The following BATF variants were observed in gnomAD, a reference collection of about 807,000 sequenced individuals.
The protein encoded by BATF is basic leucine zipper ATF-like transcription factor, also known as basic leucine zipper transcriptional factor ATF-like.
A neutral mutation model predicts 13.7 loss-of-function variants in BATF; 5 were observed. The ratio of observed to expected loss-of-function variants is 0.36; its 90% CI spans 0.19 to 0.77. The LOEUF (loss-of-function observed/expected upper bound fraction) is 0.77, where lower values mean the gene tolerates loss of function less well. Ranked by LOEUF, BATF falls within the 30% of genes least tolerant of loss-of-function variation. The pLI, the probability that BATF is intolerant of heterozygous loss-of-function variation, is 0.51. For synonymous variants in BATF, 72 were observed against 67.5 expected (o/e 1.07, Z -0.33); for missense variants, 124 against 163.0 (o/e 0.76, Z 1.30).
chr14:75,545,426 G>A (rs1187204186), intron 2 of BATF, among the ~76,000 whole-genome samples: 2 of 144,894 alleles, frequency 1.4e-5, no homozygotes, highest in Non-Finnish European at 3.0e-5. Context: ...TTAGAGACAG[G>A]GTTTCACCAT....
At chr14:75,541,944 G>T (rs988017316) in intron 2 of BATF, among the ~76,000 whole-genome samples, 1 of 151,918 alleles carries the variant, frequency 6.6e-6, no homozygotes, top group African/African-American at 2.4e-5. Flanking sequence ...GATTACAGGC[G>T]TGAGCCACAG....
chr14:75,529,883 T>C (rs560846068), intron 2 of BATF, among the ~76,000 whole-genome samples: 1,658 of 151,878 alleles, frequency 0.011, 28 homozygotes, highest in African/African-American at 0.038. Context: ...GCTAACACAG[T>C]GAAACCCCGT....
At chr14:75,533,434 A>G (rs535323589) in intron 2 of BATF, among the ~76,000 whole-genome samples, 1 of 151,914 alleles carries the variant, frequency 6.6e-6, no homozygotes, top group East Asian at 1.9e-4. Flanking sequence ...TCTCAAAAAA[A>G]AAAAAAAAAA....
At chr14:75,543,206 A>C (rs755943783) in intron 2 of BATF, among the ~76,000 whole-genome samples, 8 of 152,282 alleles carry the variant, frequency 5.3e-5, no homozygotes, top group Admixed American at 1.3e-4. Flanking sequence ...AAATACCCAA[A>C]TGGTAAAATG....
Position 75,546,741 on chromosome 14 carries a change from C to T in BATF, c.*70C>T. ...CTGTGGCAGAGCTGCGCCCATCCCG[C>T]AGAGGCCCCTGTCCACCTGGAGACC... is the stretch of plus-strand genomic sequence containing the variant. On this transcript the variant is annotated 3_prime_UTR_variant, in exon 3 of 3. Transcript: ENST00000286639. The T allele has an allele frequency of 6.9e-7, 1 of 1,458,454 alleles. No individual in the cohort carries two copies. Among genetic ancestry groups the T allele is most frequent in the East Asian group, 2.5e-5 (1 of 40,226 alleles). The allele number at this position is 1,458,454 out of a possible 1,614,324, so 90.3% of individuals were successfully genotyped here. A position where few individuals can be genotyped will look rare whatever the true frequency, so the allele number is the denominator to read the frequency against.
At position 75,546,735 on chromosome 14, in the gene BATF, A is replaced by C; in HGVS notation, c.*64A>C. 6.8e-7 allele frequency: 1 copy of C among 1,472,770 alleles called. No homozygotes were observed. The highest frequency in any genetic ancestry group is 9.1e-7 in the Non-Finnish European group (1 of 1,103,582). The allele number at this position is 1,472,770 out of a possible 1,614,324, so 91.2% of individuals were successfully genotyped here. On this transcript the variant is annotated 3_prime_UTR_variant, in exon 3 of 3. Coordinates refer to ENST00000286639, the MANE Select transcript of BATF (RefSeq NM_006399.5). Reference sequence around the variant, plus strand: ...CACAGACTGTGGCAGAGCTGCGCCCATCCCGCAGAGGCCCCTGTCCACCTG... The same window carrying C: ...CACAGACTGTGGCAGAGCTGCGCCCCTCCCGCAGAGGCCCCTGTCCACCTG...
intron 2 of BATF, among the ~76,000 whole-genome samples, chr14:75,527,217 A>G (rs999371985): frequency 6.6e-6 from 1 of 152,228 alleles, no homozygotes; most frequent in Non-Finnish European, 1.5e-5. Flanking sequence ...GAGTAATAAT[A>G]ATTATCATAA....
chr14:75,546,625 A>G lies in BATF; in HGVS notation c.332A>G (p.His111Arg). ...CCCCCCGAGGTGGTGTACAGCGCCC[A>G]CGCATTCCACCAACCTCATGTCAGC... ...PSPPEVVYSA[H>R]AFHQPHVSSP... Residue 111 changes from histidine to arginine, a missense_variant, in exon 3 of 3, where the codon CAC becomes CGC. Physicochemically the swap from His to Arg is conservative, Grantham distance 29. Coordinates refer to ENST00000286639, the MANE Select transcript of BATF (RefSeq NM_006399.5). 1 of 1,613,070 alleles carries G rather than the reference A, an allele frequency of 6.2e-7. No homozygotes were observed. The highest frequency in any genetic ancestry group is 8.5e-7 in the Non-Finnish European group (1 of 1,179,592).
At chr14:75,527,020 A>G (rs1595002913) in intron 2 of BATF, among the ~76,000 whole-genome samples, 5 of 152,356 alleles carry the variant, frequency 3.3e-5, no homozygotes, top group East Asian at 3.9e-4. Flanking sequence ...AGCAGTCAGA[A>G]CAGGGATTGA....
intron 2 of BATF, 145 bp from the exon 3 acceptor site, chr14:75,546,317 A>T: frequency 1.3e-6 from 1 of 768,354 alleles, no homozygotes; most frequent in Non-Finnish European, 2.1e-6. Context: ...GCACACATTC[A>T]CACGTGCAGG....
intron 2 of BATF, among the ~76,000 whole-genome samples, chr14:75,531,831 T>C (rs536360437): frequency 1.3e-5 from 2 of 152,204 alleles, no homozygotes; most frequent in Non-Finnish European, 2.9e-5. Flanking sequence ...CCTATTTCAC[T>C]CCTGGAATTC....
intron 2 of BATF, among the ~76,000 whole-genome samples, chr14:75,529,265 A>C (rs1323002370): frequency 6.6e-6 from 1 of 152,272 alleles, no homozygotes; most frequent in African/African-American, 2.4e-5. Flanking sequence ...ACAGGATAGA[A>C]TATGGAAACA....
At chr14:75,530,701 G>T (rs1347526009) in intron 2 of BATF, among the ~76,000 whole-genome samples, 1 of 151,952 alleles carries the variant, frequency 6.6e-6, no homozygotes. Flanking sequence ...TAGAGACAGG[G>T]TCTCACTATG....
At chr14:75,537,359 A>T (rs1260407212) in intron 2 of BATF, among the ~76,000 whole-genome samples, 1 of 152,212 alleles carries the variant, frequency 6.6e-6, no homozygotes, top group African/African-American at 2.4e-5. Flanking sequence ...CTCTCTAGGA[A>T]TTCTCATGGA....
At position 75,522,688 on chromosome 14, in the gene BATF, T is replaced by G. The variant is rs771788110; in HGVS notation, c.6T>G (p.Pro2=). The change falls in exon 1 of 3, where the codon CCT becomes CCG. Residue 2 remains proline, a synonymous_variant. Coordinates refer to ENST00000286639, the MANE Select transcript of BATF (RefSeq NM_006399.5). ...GAGCCCGGAAGATTTCAGCCATGCC[T>G]CACAGCTCCGACAGCAGTGACTCCA... M[P]HSSDSSDSSF... is the part of the protein sequence containing the mutation. The G allele has an allele frequency of 3.5e-5, 56 of 1,613,980 alleles. No homozygotes were observed. The East Asian group carries it at 1.2e-3, about 34-fold the overall frequency.
chr14:75,533,360 G>C (rs896070566), intron 2 of BATF, among the ~76,000 whole-genome samples: 6 of 151,218 alleles, frequency 4.0e-5, no homozygotes, highest in African/African-American at 1.5e-4. Flanking sequence ...CCTGGGAGGC[G>C]GAGCTTGCAG....
intron 2 of BATF, among the ~76,000 whole-genome samples, chr14:75,544,256 A>G (rs1455669118): frequency 6.6e-6 from 1 of 152,032 alleles, no homozygotes; most frequent in Non-Finnish European, 1.5e-5. Flanking sequence ...AAAAAAAATT[A>G]TTATTATTTT....
chr14:75,546,673 C>A lies in BATF; in HGVS notation c.*2C>A. Reference sequence around the variant, plus strand: ...AGCTCCCCGCGCTTCCAGCCCTGAGCTTCCGATGCGGGGAGAGCAGAGCCT... The same window carrying A: ...AGCTCCCCGCGCTTCCAGCCCTGAGATTCCGATGCGGGGAGAGCAGAGCCT... On this transcript the variant is annotated 3_prime_UTR_variant, in exon 3 of 3. Transcript: ENST00000286639. 1 of 1,586,856 alleles carries A rather than the reference C, an allele frequency of 6.3e-7. No homozygotes were observed. Among genetic ancestry groups the A allele is most frequent in the Non-Finnish European group, 8.6e-7 (1 of 1,166,758 alleles).
intron 2 of BATF, among the ~76,000 whole-genome samples, chr14:75,528,279 T>A (rs1292170347): frequency 6.6e-6 from 1 of 152,250 alleles, no homozygotes; most frequent in Non-Finnish European, 1.5e-5. Context: ...TCTAGCCTCA[T>A]ATATACTGGT....
Sources: allele counts gnomAD v4.1 joint callset (sites outside exome capture counted in the v4.1 genomes callset), GRCh38; gene constraint gnomAD v4.1.1; transcripts MANE v1.5; gene names NCBI Gene and HGNC (gene_info 2026-07-23, HGNC 2026-07-21).